Variants in DLG2 observed in about 807,000 individuals in gnomAD.
DLG2 encodes disks large homolog 2.
DLG2 carries 45 observed loss-of-function variants against 132.5 expected under a neutral mutation model. The observed-to-expected ratio is 0.34, with a 90% CI of 0.27 to 0.44. The LOEUF (loss-of-function observed/expected upper bound fraction) is 0.44. Among genes scored for constraint, DLG2 ranks in the 20% least tolerant of loss-of-function variants. The pLI is 1.00. For synonymous variants in DLG2, 424 were observed against 419.6 expected (o/e 1.01, Z -0.13); for missense variants, 1,045 against 1,196.9 (o/e 0.87, Z 1.87).
intron 7 of DLG2, among the ~76,000 whole-genome samples, chr11:84,421,720 G>A (rs2154465320): frequency 6.6e-6 from 1 of 152,262 alleles, no homozygotes; most frequent in South Asian, 2.1e-4. Flanking sequence ...TCTGGCCCCA[G>A]CTGACCTAAG....
At chr11:83,622,901 T>G (rs1428801269) in intron 19 of DLG2, among the ~76,000 whole-genome samples, 4 of 152,216 alleles carry the variant, frequency 2.6e-5, no homozygotes, top group Non-Finnish European at 5.9e-5. Flanking sequence ...GGTGGAGTAT[T>G]CTGTAGATGT....
intron 6 of DLG2, among the ~76,000 whole-genome samples, chr11:84,862,456 A>G (rs565420818): frequency 2.0e-5 from 3 of 152,114 alleles, no homozygotes; most frequent in Admixed American, 2.0e-4. Flanking sequence ...TTGACCCAGC[A>G]ATCCCATTAC....
intron 7 of DLG2, among the ~76,000 whole-genome samples, chr11:84,332,597 G>T (rs1354840489): frequency 6.9e-6 from 1 of 145,630 alleles, no homozygotes; most frequent in African/African-American, 2.6e-5. Flanking sequence ...TGTAACCCCG[G>T]CATCCCAAAG....
At chr11:85,334,244 G>A (rs578024265) in intron 3 of DLG2, among the ~76,000 whole-genome samples, 34 of 152,090 alleles carry the variant, frequency 2.2e-4, no homozygotes, top group Non-Finnish European at 3.4e-4. Flanking sequence ...AGTTTCTGAG[G>A]ATTTTTTGTA....
chr11:84,450,892 A>G (rs1303036498), intron 7 of DLG2, among the ~76,000 whole-genome samples: 1 of 151,786 alleles, frequency 6.6e-6, no homozygotes, highest in African/African-American at 2.4e-5. Flanking sequence ...AAAAAAAAAA[A>G]GAGTTATTTA....
intron 6 of DLG2, among the ~76,000 whole-genome samples, chr11:84,862,633 T>C (rs941484169): frequency 3.9e-5 from 6 of 152,146 alleles, no homozygotes; most frequent in African/African-American, 7.2e-5. Context: ...TAGAATAGCA[T>C]GCAGTCATAA....
chr11:84,614,100 A>G (rs575225079), intron 6 of DLG2, among the ~76,000 whole-genome samples: 1 of 152,336 alleles, frequency 6.6e-6, no homozygotes, highest in South Asian at 2.1e-4. Context: ...TCAATCATTT[A>G]TTAATTTTTT....
chr11:84,307,695 C>CAAAAAAAAAAAAAAGAAAAAAAAAAAAAA (rs2098237166), intron 7 of DLG2, among the ~76,000 whole-genome samples: 1 of 78,024 alleles, frequency 1.3e-5, no homozygotes, highest in Non-Finnish European at 2.6e-5. Context: ...GACGCAGTCT[C>CAAAAAAAAAAAAAAGAAAAAAAAAAAAAA]AAAAAAAAAA....
chr11:85,004,824 G>C (rs1458036288), intron 6 of DLG2, among the ~76,000 whole-genome samples: 1 of 152,098 alleles, frequency 6.6e-6, no homozygotes, highest in Non-Finnish European at 1.5e-5. Context: ...GAATGGTATT[G>C]CCAAGGTTTT....
intron 7 of DLG2, among the ~76,000 whole-genome samples, chr11:84,276,913 T>C (rs2097788445): frequency 6.6e-6 from 1 of 152,150 alleles, no homozygotes; most frequent in South Asian, 2.1e-4. Context: ...AAGAATGGGT[T>C]TCAAGAATGC....
intron 7 of DLG2, among the ~76,000 whole-genome samples, chr11:84,411,477 T>C (rs11234015): frequency 1.2e-4 from 19 of 152,298 alleles, no homozygotes; most frequent in Admixed American, 1.1e-3. Flanking sequence ...TAAATCTTAG[T>C]TGTACACTGA....
intron 6 of DLG2, among the ~76,000 whole-genome samples, chr11:84,802,614 A>C (rs867021513): frequency 2.0e-5 from 3 of 151,024 alleles, no homozygotes; most frequent in African/African-American, 7.3e-5. Flanking sequence ...GGCCAAACCC[A>C]ATTAGACAAC....
At chr11:85,366,925 G>A (rs2084602854) in intron 3 of DLG2, among the ~76,000 whole-genome samples, 1 of 151,998 alleles carries the variant, frequency 6.6e-6, no homozygotes, top group Non-Finnish European at 1.5e-5. Context: ...ATGTCATGAT[G>A]TCATTTCAAT....
At position 84,218,412 on chromosome 11, in the gene DLG2, G is replaced by GGAAT. The variant is rs1293008784; in HGVS notation, c.573+32825_573+32826insATTC. On this transcript the variant is annotated intron_variant, in intron 8 of 27. Coordinates refer to ENST00000376104, the MANE Select transcript of DLG2 (RefSeq NM_001142699.3). ...AGGGAGGGAGGGAGGAAGGAAGGAA[G>GGAAT]GATTGACAGAAGGATGGACCTGGGA... Among the ~76,000 whole-genome samples the GGAAT allele has an allele frequency of 4.1e-3, 626 of 151,320 alleles. 2 individuals are homozygous for GGAAT. The highest frequency in any genetic ancestry group is 0.014 in the African/African-American group (566 of 41,242).
chr11:84,372,722 G>C lies in DLG2; in HGVS notation c.520-121431C>G, dbSNP rs56979451. Among the ~76,000 whole-genome samples, 257 of 152,156 alleles carry C rather than the reference G, an allele frequency of 1.7e-3. 2 individuals are homozygous for C. The highest frequency in any genetic ancestry group is 5.6e-3 in the African/African-American group (233 of 41,534). ...TCAAGTTCTGTTAGTAGTGCATCTCGGGAATCTATTCCTTCTTAACATGGA... is the reference window on the plus strand; with the variant it reads ...TCAAGTTCTGTTAGTAGTGCATCTCCGGAATCTATTCCTTCTTAACATGGA... On this transcript the variant is annotated intron_variant, in intron 7 of 27. Transcript: ENST00000376104.
At chr11:83,676,135 G>A (rs957459698) in intron 18 of DLG2, among the ~76,000 whole-genome samples, 3 of 152,108 alleles carry the variant, frequency 2.0e-5, no homozygotes, top group Non-Finnish European at 4.4e-5. Context: ...TGGAGATTTG[G>A]TCTCATGTTC....
intron 6 of DLG2, among the ~76,000 whole-genome samples, chr11:85,089,071 C>A (rs905995366): frequency 4.6e-5 from 7 of 152,184 alleles, no homozygotes; most frequent in Non-Finnish European, 8.8e-5. Flanking sequence ...ACTTGAGGGT[C>A]CAAAGTCTCC....
chr11:85,118,008 G>A (rs1299913490), intron 5 of DLG2, among the ~76,000 whole-genome samples: 2 of 152,098 alleles, frequency 1.3e-5, no homozygotes, highest in African/African-American at 4.8e-5. Flanking sequence ...CTTGTTCAAT[G>A]TGTCAATTAC....
At chr11:84,087,940 G>T (rs867776341) in intron 10 of DLG2, among the ~76,000 whole-genome samples, 1 of 152,140 alleles carries the variant, frequency 6.6e-6, no homozygotes, top group Non-Finnish European at 1.5e-5. Context: ...AGCAGCAATA[G>T]AAAATAATAC....
Sources: gnomAD v4.1 joint callset for allele counts (sites outside exome capture counted in the v4.1 genomes callset) on GRCh38, gnomAD v4.1.1 for gene constraint, MANE v1.5 for transcripts, NCBI Gene and HGNC (gene_info 2026-07-23, HGNC 2026-07-21) for gene names.